ATP13A4: variants seen among roughly 807,000 people sequenced by gnomAD.
ATP13A4 encodes the protein probable cation-transporting ATPase 13A4.
ATP13A4 carries 114 observed loss-of-function variants against 142.5 expected under a neutral mutation model. That is an observed-to-expected ratio of 0.80 (90% confidence interval 0.69 to 0.93). The LOEUF is 0.93. ATP13A4 is among the 40% of genes least tolerant of loss of function. The pLI is 0.00. For synonymous variants in ATP13A4, 488 were observed against 514.8 expected (o/e 0.95, Z 0.70); for missense variants, 1,392 against 1,454.0 (o/e 0.96, Z 0.69).
At chr3:193,532,046 A>C (rs1722366879) in intron 1 of ATP13A4, among the ~76,000 whole-genome samples, 1 of 152,120 alleles carries the variant, frequency 6.6e-6, no homozygotes, top group African/African-American at 2.4e-5. Context: ...CATATGCATG[A>C]GAATCACATG....
chr3:193,550,647 A>G (rs1180060129), intron 1 of ATP13A4, among the ~76,000 whole-genome samples: 1 of 152,204 alleles, frequency 6.6e-6, no homozygotes, highest in East Asian at 1.9e-4. Context: ...CTCATGAAGC[A>G]TATTTACTTC....
chr3:193,512,791 C>T (rs985978215), intron 2 of ATP13A4, among the ~76,000 whole-genome samples: 5 of 152,078 alleles, frequency 3.3e-5, no homozygotes, highest in African/African-American at 4.8e-5. Flanking sequence ...CTGGTGAGGC[C>T]CCTCACTCAC....
intron 2 of ATP13A4, among the ~76,000 whole-genome samples, chr3:193,510,518 T>C (rs959196257): frequency 6.6e-6 from 1 of 152,192 alleles, no homozygotes; most frequent in African/African-American, 2.4e-5. Flanking sequence ...ATAAATCATG[T>C]CATTTGCATA....
intron 2 of ATP13A4, among the ~76,000 whole-genome samples, chr3:193,509,640 C>T (rs985831794): frequency 2.6e-5 from 4 of 152,084 alleles, no homozygotes; most frequent in South Asian, 2.1e-4. Flanking sequence ...TTTTAATACA[C>T]GGTAAAAAGC....
At chr3:193,568,032 T>C (rs1724177494) in intron 2 of ATP13A4, among the ~76,000 whole-genome samples, 1 of 152,042 alleles carries the variant, frequency 6.6e-6, no homozygotes, top group South Asian at 2.1e-4. Context: ...CAGTCTCGGC[T>C]CACTGCAACC....
intron 19 of ATP13A4, 88 bp from the exon 20 acceptor site, chr3:193,441,676 C>T: frequency 6.8e-7 from 1 of 1,478,696 alleles, no homozygotes; most frequent in Non-Finnish European, 9.4e-7. Flanking sequence ...TTAATGAAGA[C>T]AGACCAGGAT....
chr3:193,492,038 T>A (rs1434452666), intron 5 of ATP13A4, among the ~76,000 whole-genome samples: 1 of 152,232 alleles, frequency 6.6e-6, no homozygotes, highest in Non-Finnish European at 1.5e-5. Context: ...TCCACCTCGA[T>A]GCTCAGATTA....
intron 1 of ATP13A4, among the ~76,000 whole-genome samples, chr3:193,588,759 TTAA>T (rs746902140): frequency 1.3e-4 from 20 of 152,192 alleles, no homozygotes; most frequent in Non-Finnish European, 2.1e-4. Context: ...CTACCTCACA[TTAA>T]TGTTTACCTT....
chr3:193,447,932 C>A (rs576299424), intron 18 of ATP13A4, among the ~76,000 whole-genome samples: 18 of 152,318 alleles, frequency 1.2e-4, no homozygotes, highest in Non-Finnish European at 2.4e-4. Context: ...TCTTAACCAT[C>A]TCATCTAAAA....
rs529663447 is a variant in ATP13A4, at chr3:193,420,396, T to C, written c.2843-5646A>G. ...GCAAGTGAAAGCCACTGTGTAAAGT[T>C]TGGAAGAGGTGATTGTTCTGCCAGG... On this transcript the variant is annotated intron_variant, in intron 25 of 29. Coordinates refer to ENST00000342695, the MANE Select transcript of ATP13A4 (RefSeq NM_032279.4). 4.2e-4 allele frequency among the ~76,000 whole-genome samples: 63 copies of C among 150,324 alleles called. 1 individual carries two copies. Among genetic ancestry groups the C allele is most frequent in the Middle Eastern group, 3.4e-3 (1 of 290 alleles).
At chr3:193,417,502 C>A (rs1037637082) in intron 25 of ATP13A4, among the ~76,000 whole-genome samples, 1 of 152,218 alleles carries the variant, frequency 6.6e-6, no homozygotes, top group African/African-American at 2.4e-5. Flanking sequence ...TCAAACTACA[C>A]TGTTATAAAT....
intron 1 of ATP13A4, among the ~76,000 whole-genome samples, chr3:193,531,209 G>T (rs1722295311): frequency 7.1e-6 from 1 of 141,642 alleles, no homozygotes; most frequent in Admixed American, 7.5e-5. Context: ...TTGAGACATA[G>T]AACTTTTCTT....
At chr3:193,451,203 T>C (rs953114160) in intron 17 of ATP13A4, among the ~76,000 whole-genome samples, 1 of 152,198 alleles carries the variant, frequency 6.6e-6, no homozygotes, top group Non-Finnish European at 1.5e-5. Context: ...ATCTTTCTCA[T>C]GGTCCTGGTA....
At chr3:193,503,707 C>T (rs748902297) in intron 2 of ATP13A4, among the ~76,000 whole-genome samples, 4 of 152,262 alleles carry the variant, frequency 2.6e-5, no homozygotes, top group Middle Eastern at 3.4e-3. Context: ...GTCTGTATGC[C>T]TTTGCTCCTG....
At chr3:193,432,333 T>C (rs1214808447) in intron 25 of ATP13A4, among the ~76,000 whole-genome samples, 1 of 152,222 alleles carries the variant, frequency 6.6e-6, no homozygotes, top group East Asian at 1.9e-4. Context: ...AGTATAGCTG[T>C]TTGGAAAGAC....
At chr3:193,505,024 A>C (rs1178782019) in intron 2 of ATP13A4, among the ~76,000 whole-genome samples, 1 of 152,194 alleles carries the variant, frequency 6.6e-6, no homozygotes, top group Non-Finnish European at 1.5e-5. Context: ...TGAGAAAACT[A>C]ACCACCAGCA....
At chr3:193,549,038 T>C (rs1723388691) in intron 1 of ATP13A4, among the ~76,000 whole-genome samples, 1 of 152,208 alleles carries the variant, frequency 6.6e-6, no homozygotes, top group South Asian at 2.1e-4. Flanking sequence ...CAATTTTGTA[T>C]ACTGAATGAG....
chr3:193,510,593 T>C (rs35716901), intron 2 of ATP13A4, among the ~76,000 whole-genome samples: 20,376 of 152,272 alleles, frequency 0.13, 1,540 homozygotes, highest in Non-Finnish European at 0.17. Flanking sequence ...AACAGAATGC[T>C]GCTTTTAAAA....
intron 1 of ATP13A4, among the ~76,000 whole-genome samples, chr3:193,551,254 A>G (rs1013942509): frequency 1.3e-5 from 2 of 152,134 alleles, no homozygotes; most frequent in African/African-American, 4.8e-5. Flanking sequence ...TCTTCTAAAA[A>G]TACAAAAAAT....
Sources: gnomAD v4.1 joint callset for allele counts (sites outside exome capture counted in the v4.1 genomes callset) on GRCh38, gnomAD v4.1.1 for gene constraint, MANE v1.5 for transcripts, NCBI Gene and HGNC (gene_info 2026-07-23, HGNC 2026-07-21) for gene names.